ITPR2: variants seen among roughly 807,000 people sequenced by gnomAD.
ITPR2 encodes inositol 1,4,5-trisphosphate-gated calcium channel ITPR2.
A neutral mutation model predicts 317.1 loss-of-function variants in ITPR2; 207 were observed. That is an observed-to-expected ratio of 0.65 (90% CI 0.58 to 0.73). The LOEUF is 0.73. Ranked by LOEUF, ITPR2 falls within the 30% of genes least tolerant of loss-of-function variation. The pLI, the probability that ITPR2 is intolerant of heterozygous loss-of-function variation, is 0.00. For synonymous variants in ITPR2, 1,156 were observed against 1,149.1 expected (o/e 1.01, Z -0.12); for missense variants, 2,613 against 3,284.0 (o/e 0.80, Z 4.99).
intron 15 of ITPR2, among the ~76,000 whole-genome samples, chr12:26,662,691 G>A (rs765609529): frequency 1.3e-5 from 2 of 152,062 alleles, no homozygotes; most frequent in African/African-American, 2.4e-5. Flanking sequence ...TGTTTTTTAT[G>A]AGGCAGGGTC....
chr12:26,404,206 C>G (rs1207425282), intron 52 of ITPR2, among the ~76,000 whole-genome samples: 3 of 152,022 alleles, frequency 2.0e-5, no homozygotes, highest in Non-Finnish European at 4.4e-5. Flanking sequence ...GAACTGTAGG[C>G]AGAAGGGGGA....
intron 26 of ITPR2, 126 bp downstream of exon 26, chr12:26,620,997 A>G (rs1022741308): frequency 3.7e-6 from 3 of 805,744 alleles, no homozygotes; most frequent in Admixed American, 5.1e-5. Context: ...GCAAATGAAA[A>G]TTTTGTGCTC....
At position 26,335,559 on chromosome 12, in the gene ITPR2, T is replaced by G. The variant is rs1376085726; in HGVS notation, c.*3838A>C. The stretch of plus-strand genomic sequence containing the variant: ...TTCAGAGAAGGGTACCTGGATTTGT[T>G]TTCAGCTTTCTCGATTTTCACATGC... On this transcript the variant is annotated 3_prime_UTR_variant, in exon 57 of 57. Transcript: ENST00000381340. 6.6e-6 allele frequency among the ~76,000 whole-genome samples: 1 copy of G among 152,222 alleles called. No homozygotes were observed. The highest frequency in any genetic ancestry group is 1.5e-5 in the Non-Finnish European group (1 of 68,032).
At chr12:26,523,086 T>G (rs565305179) in intron 37 of ITPR2, among the ~76,000 whole-genome samples, 18 of 152,344 alleles carry the variant, frequency 1.2e-4, no homozygotes, top group African/African-American at 3.4e-4. Context: ...GGAGCTGGGA[T>G]AGCCAAGCTC....
At chr12:26,717,549 G>A (rs1948763478) in intron 5 of ITPR2, among the ~76,000 whole-genome samples, 1 of 152,206 alleles carries the variant, frequency 6.6e-6, no homozygotes, top group African/African-American at 2.4e-5. Context: ...AACTCACAAA[G>A]ATTCATCATA....
At chr12:26,504,743 C>G (rs1448142316) in intron 37 of ITPR2, among the ~76,000 whole-genome samples, 2 of 152,138 alleles carry the variant, frequency 1.3e-5, no homozygotes, top group East Asian at 3.8e-4. Flanking sequence ...GTATCCCATC[C>G]TAGACATTTA....
intron 2 of ITPR2, 30 bp downstream of exon 2, chr12:26,790,127 C>T (rs776951653): frequency 1.4e-6 from 2 of 1,479,370 alleles, no homozygotes; most frequent in East Asian, 4.5e-5. Context: ...TCTTAGCTCA[C>T]ACAATTAAAA....
chr12:26,625,354 A>C (rs772183679), intron 23 of ITPR2, among the ~76,000 whole-genome samples: 5 of 152,190 alleles, frequency 3.3e-5, no homozygotes, highest in African/African-American at 4.8e-5. Flanking sequence ...GTAACACAAA[A>C]GATAAATGCT....
intron 33 of ITPR2, among the ~76,000 whole-genome samples, 190 bp downstream of exon 33, chr12:26,579,837 C>T (rs1945355853): frequency 6.6e-6 from 1 of 151,976 alleles, no homozygotes; most frequent in Non-Finnish European, 1.5e-5. Context: ...AAAAATAATT[C>T]AATTTAAAGA....
chr12:26,624,496 T>C, intron 23 of ITPR2, 140 bp from the exon 24 acceptor site: 1 of 605,360 alleles, frequency 1.7e-6, no homozygotes, highest in South Asian at 2.4e-5. Context: ...ACTAATAATC[T>C]GATTTTAAAA....
At chr12:26,821,595 C>T (rs963846771) in intron 1 of ITPR2, among the ~76,000 whole-genome samples, 7 of 152,134 alleles carry the variant, frequency 4.6e-5, no homozygotes, top group South Asian at 2.1e-4. Context: ...TCCTTCTTTC[C>T]GTAAGCTGGT....
At chr12:26,447,392 T>C (rs1187528107) in intron 45 of ITPR2, among the ~76,000 whole-genome samples, 1 of 152,076 alleles carries the variant, frequency 6.6e-6, no homozygotes, top group Non-Finnish European at 1.5e-5. Flanking sequence ...TGTATTCTGA[T>C]AGATTGTAAG....
Position 26,600,032 on chromosome 12 carries a change from A to G in ITPR2, c.3756T>C (p.Asn1252=). The G allele has an allele frequency of 6.2e-7, 1 of 1,606,222 alleles. No homozygotes were observed. Among genetic ancestry groups the G allele is most frequent in the Non-Finnish European group, 8.5e-7 (1 of 1,173,084 alleles). Residue 1252 remains asparagine (N), a synonymous_variant, in exon 29 of 57, where the codon AAT becomes AAC. Transcript: ENST00000381340. The part of the protein sequence containing the change: ...LQNFCRGNPQ[N]QVLLHKHLNL... ...TCAGATGTTTATGAAGAAGAACTTG[A>G]TTCTGTGGATTTCCTCGACAGAAAT... is the stretch of plus-strand genomic sequence containing the variant.
chr12:26,408,366 A>G (rs1940425987), intron 52 of ITPR2, among the ~76,000 whole-genome samples: 2 of 152,234 alleles, frequency 1.3e-5, no homozygotes, highest in Non-Finnish European at 2.9e-5. Flanking sequence ...AAAAATATTT[A>G]CTTTTTAAAT....
At chr12:26,643,002 G>A (rs1947028919) in intron 21 of ITPR2, among the ~76,000 whole-genome samples, 1 of 152,198 alleles carries the variant, frequency 6.6e-6, no homozygotes, top group Non-Finnish European at 1.5e-5. Context: ...GGTGTTAGAA[G>A]TAGAACCTTT....
intron 52 of ITPR2, among the ~76,000 whole-genome samples, chr12:26,405,329 A>G (rs1261719446): frequency 6.6e-6 from 1 of 152,222 alleles, no homozygotes; most frequent in Non-Finnish European, 1.5e-5. Flanking sequence ...TCTAGCTATC[A>G]TAATTATCAT....
chr12:26,342,436 G>C (rs1356317732), intron 55 of ITPR2, among the ~76,000 whole-genome samples: 3 of 141,722 alleles, frequency 2.1e-5, no homozygotes, highest in African/African-American at 7.9e-5. Context: ...CAAACCTCCT[G>C]TTGAAATTTG....
intron 13 of ITPR2, among the ~76,000 whole-genome samples, chr12:26,669,715 G>T (rs565058888): frequency 6.7e-6 from 1 of 150,312 alleles, no homozygotes; most frequent in Non-Finnish European, 1.5e-5. Flanking sequence ...TGGGTGCAGC[G>T]CACCATGCGC....
intron 36 of ITPR2, among the ~76,000 whole-genome samples, chr12:26,552,179 A>C (rs1055935552): frequency 1.3e-5 from 2 of 151,944 alleles, no homozygotes; most frequent in African/African-American, 2.4e-5. Context: ...TAATGTGTGG[A>C]TGGTGATCAG....
Sources: allele counts gnomAD v4.1 joint callset (sites outside exome capture counted in the v4.1 genomes callset), GRCh38; gene constraint gnomAD v4.1.1; transcripts MANE v1.5; gene names NCBI Gene and HGNC (gene_info 2026-07-23, HGNC 2026-07-21).